GRID1: variants seen among roughly 807,000 people sequenced by gnomAD.
GRID1 encodes glutamate receptor ionotropic, delta-1.
In GRID1, 28 loss-of-function variants were observed where a neutral mutation model predicts 98.0. The observed-to-expected ratio is 0.29, with a 90% CI of 0.21 to 0.39. The LOEUF is 0.39. Ranked by LOEUF, GRID1 falls within the 10% of genes least tolerant of loss-of-function variation. The pLI is 1.00. For synonymous variants in GRID1, 553 were observed against 538.5 expected, an observed-to-expected ratio of 1.03 and a Z score of -0.37; for missense variants, 1,111 against 1,340.5, an observed-to-expected ratio of 0.83 and a Z score of 2.67.
At chr10:86,331,871 G>A (rs1024921704) in intron 2 of GRID1, among the ~76,000 whole-genome samples, 6 of 152,204 alleles carry the variant, frequency 3.9e-5, no homozygotes, top group South Asian at 4.1e-4. Flanking sequence ...GCATCCAGCC[G>A]CTGTCTCTGC....
chr10:85,817,830 G>T (rs1452064170), intron 8 of GRID1, among the ~76,000 whole-genome samples: 1 of 152,094 alleles, frequency 6.6e-6, no homozygotes, highest in Non-Finnish European at 1.5e-5. Flanking sequence ...GGCAGAGGTT[G>T]CAGTGAGCCG....
chr10:86,224,618 C>T (rs1422587386), intron 2 of GRID1, among the ~76,000 whole-genome samples: 1 of 152,218 alleles, frequency 6.6e-6, no homozygotes, highest in African/African-American at 2.4e-5. Context: ...CCTCCATCAA[C>T]CCGTAGGGGC....
intron 8 of GRID1, among the ~76,000 whole-genome samples, chr10:85,849,717 C>G (rs1222753341): frequency 2.0e-5 from 3 of 152,172 alleles, no homozygotes; most frequent in African/African-American, 4.8e-5. Flanking sequence ...ATCATGCTTG[C>G]TGGTGCTATG....
chr10:86,343,388 T>C (rs938729547), intron 2 of GRID1, among the ~76,000 whole-genome samples: 3 of 152,194 alleles, frequency 2.0e-5, no homozygotes, highest in African/African-American at 7.2e-5. Flanking sequence ...TAAATCCAAT[T>C]ATAAGAAGAC....
chr10:86,079,813 G>T (rs1843939084), intron 4 of GRID1, among the ~76,000 whole-genome samples: 1 of 152,208 alleles, frequency 6.6e-6, no homozygotes, highest in African/African-American at 2.4e-5. Flanking sequence ...TGACCTAACA[G>T]TTATAGAGTA....
chr10:86,157,168 G>A (rs1845257900), intron 3 of GRID1, among the ~76,000 whole-genome samples: 1 of 152,156 alleles, frequency 6.6e-6, no homozygotes, highest in Non-Finnish European at 1.5e-5. Flanking sequence ...GTTCTGATGG[G>A]GGCTTGTTTA....
chr10:85,699,254 T>C (rs1352463142), intron 12 of GRID1, among the ~76,000 whole-genome samples: 1 of 152,058 alleles, frequency 6.6e-6, no homozygotes. Flanking sequence ...GGTTTTGCAA[T>C]GTTGGCCAGG....
chr10:85,710,299 G>T (rs1841567974), intron 12 of GRID1, among the ~76,000 whole-genome samples: 1 of 152,104 alleles, frequency 6.6e-6, no homozygotes, highest in South Asian at 2.1e-4. Flanking sequence ...ATAGACTAGT[G>T]ATCCCTGAAA....
intron 5 of GRID1, among the ~76,000 whole-genome samples, chr10:85,907,788 C>A (rs60150987): frequency 0.039 from 5,994 of 151,950 alleles, 266 homozygotes; most frequent in East Asian, 0.19. Flanking sequence ...TTTAATGAAT[C>A]AAATATAATC....
chr10:86,205,196 C>T (rs1846008528), intron 3 of GRID1, among the ~76,000 whole-genome samples: 1 of 152,230 alleles, frequency 6.6e-6, no homozygotes, highest in African/African-American at 2.4e-5. Context: ...CAAATGCAAA[C>T]ATATGCTGAT....
At position 85,896,278 on chromosome 10, in the gene GRID1, C is replaced by A. The variant is rs143701769; in HGVS notation, c.780+19908G>T. 2.6e-5 allele frequency among the ~76,000 whole-genome samples: 4 copies of A among 152,244 alleles called. No individual in the cohort carries two copies. The East Asian group carries it at 7.7e-4, about 29-fold the overall frequency. ...AAAATGATCTACCCAATATAATAAT[C>A]AGAACTTTTACTTGGCTTGATGCGG... On this transcript the variant is annotated intron_variant, in intron 5 of 15. Coordinates refer to ENST00000327946, the MANE Select transcript of GRID1 (RefSeq NM_017551.3).
intron 3 of GRID1, among the ~76,000 whole-genome samples, chr10:86,157,459 A>G (rs1038179011): frequency 6.6e-6 from 1 of 152,190 alleles, no homozygotes; most frequent in African/African-American, 2.4e-5. Context: ...AAGGGTGATG[A>G]GCACAAAACG....
At chr10:85,997,971 G>C (rs986661729) in intron 4 of GRID1, among the ~76,000 whole-genome samples, 1 of 152,166 alleles carries the variant, frequency 6.6e-6, no homozygotes, top group Admixed American at 6.5e-5. Context: ...ATAATGCATA[G>C]AGAAATATTA....
At chr10:86,141,034 C>T (rs559423534) in intron 3 of GRID1, among the ~76,000 whole-genome samples, 87 of 152,156 alleles carry the variant, frequency 5.7e-4, no homozygotes, top group African/African-American at 1.9e-3. Context: ...AGCCATGTGA[C>T]CAAACCCACT....
rs915240875 is a variant in GRID1, at chr10:86,216,076, C to T, written c.236-9428G>A. On this transcript the variant is annotated intron_variant, in intron 2 of 15. Transcript: ENST00000327946. Reference sequence around the variant, plus strand: ...TGCCTTTCACACTTCCACTCACTCCCGAAAATCCACCTCAAATGCCTCTTG... The same window carrying T: ...TGCCTTTCACACTTCCACTCACTCCTGAAAATCCACCTCAAATGCCTCTTG... Among the ~76,000 whole-genome samples, 7 of 152,236 alleles carry T rather than the reference C, an allele frequency of 4.6e-5. No individual in the cohort carries two copies. In the East Asian group the frequency reaches 5.8e-4, roughly 13 times the overall value.
rs182989514 is a variant in GRID1, at chr10:86,195,596, T to C, written c.520+10768A>G. Among the ~76,000 whole-genome samples the C allele has an allele frequency of 3.4e-4, 52 of 152,296 alleles. 1 individual carries two copies. The highest frequency in any genetic ancestry group is 3.1e-3 in the Admixed American group (48 of 15,298). On this transcript the variant is annotated intron_variant, in intron 3 of 15. Coordinates refer to ENST00000327946, the MANE Select transcript of GRID1 (RefSeq NM_017551.3). This position sits in a 1 kb window ranked among gnomAD's most constrained non-coding sequence, Gnocchi z 4.4. ...AATCAGAGGCAGCGTGCCAGGTTCA[T>C]GTGCAGCCTCCTACCCTGGCTGGGG...
chr10:85,743,820 T>C (rs1841972976), intron 8 of GRID1, among the ~76,000 whole-genome samples: 1 of 152,160 alleles, frequency 6.6e-6, no homozygotes. Flanking sequence ...TGAATCTAAC[T>C]ACTGAAGTGT....
At chr10:86,120,362 T>C (rs2131958428) in intron 4 of GRID1, among the ~76,000 whole-genome samples, 1 of 152,334 alleles carries the variant, frequency 6.6e-6, no homozygotes, top group South Asian at 2.1e-4. Flanking sequence ...AAGCCTTATT[T>C]TGCCCCAGGA....
At chr10:86,184,281 T>G (rs1347214291) in intron 3 of GRID1, among the ~76,000 whole-genome samples, 1 of 152,136 alleles carries the variant, frequency 6.6e-6, no homozygotes, top group African/African-American at 2.4e-5. Flanking sequence ...ATTTTTTTAT[T>G]TTATGGATTG....
Sources: gnomAD v4.1 joint callset for allele counts (sites outside exome capture counted in the v4.1 genomes callset) on GRCh38, gnomAD v4.1.1 for gene constraint, Gnocchi (gnomAD v3.1) non-coding constraint, MANE v1.5 for transcripts, NCBI Gene and HGNC (gene_info 2026-07-23, HGNC 2026-07-21) for gene names.